Variants in SESTD1 observed in about 807,000 individuals in gnomAD.
The protein encoded by SESTD1 is SEC14 and spectrin domain containing 1.
A neutral mutation model predicts 101.7 loss-of-function variants in SESTD1; 43 were observed. The ratio of observed to expected loss-of-function variants is 0.42; its 90% CI spans 0.33 to 0.55. The LOEUF (loss-of-function observed/expected upper bound fraction) is 0.55. SESTD1 is among the 20% of genes least tolerant of loss of function. The pLI, the probability that SESTD1 is intolerant of heterozygous loss-of-function variation, is 0.07. For missense variants in SESTD1, 647 were observed against 815.1 expected (o/e 0.79, Z 2.51); for synonymous variants, 283 against 286.8 (o/e 0.99, Z 0.13).
chr2:179,155,631 C>T (rs760780782), intron 5 of SESTD1, among the ~76,000 whole-genome samples: 1 of 151,736 alleles, frequency 6.6e-6, no homozygotes, highest in African/African-American at 2.4e-5. Context: ...AAAAACAAAA[C>T]GTAAGGATGG....
intron 13 of SESTD1, among the ~76,000 whole-genome samples, chr2:179,120,929 G>C (rs755381557): frequency 2.0e-5 from 3 of 152,184 alleles, no homozygotes; most frequent in Non-Finnish European, 2.9e-5. Context: ...GCAGGAACCA[G>C]AGTAGAGAAT....
chr2:179,241,581 C>T (rs1160428457), intron 1 of SESTD1, among the ~76,000 whole-genome samples: 2 of 151,874 alleles, frequency 1.3e-5, no homozygotes, highest in African/African-American at 4.8e-5. Flanking sequence ...ATTGCTCGGG[C>T]CAGTTCAACA....
chr2:179,233,472 A>G (rs1035776201), intron 1 of SESTD1, among the ~76,000 whole-genome samples: 4 of 151,716 alleles, frequency 2.6e-5, no homozygotes, highest in Non-Finnish European at 4.4e-5. Context: ...TTGTTTTTTT[A>G]AGATGGAGTC....
chr2:179,195,769 A>G (rs2046381397), intron 1 of SESTD1, among the ~76,000 whole-genome samples: 1 of 152,188 alleles, frequency 6.6e-6, no homozygotes, highest in Non-Finnish European at 1.5e-5. Context: ...ATATGAAACA[A>G]GTTAAAAGGA....
intron 6 of SESTD1, among the ~76,000 whole-genome samples, chr2:179,150,763 T>A (rs1230179949): frequency 2.0e-5 from 3 of 151,870 alleles, no homozygotes; most frequent in Admixed American, 1.3e-4. Context: ...GAGGTTGCAG[T>A]GAGCTGAGAT....
At chr2:179,147,424 T>G (rs1480300926) in intron 7 of SESTD1, among the ~76,000 whole-genome samples, 1 of 151,130 alleles carries the variant, frequency 6.6e-6, no homozygotes, top group Non-Finnish European at 1.5e-5. Context: ...TGCAGTGGCG[T>G]GATCTCGACT....
At chr2:179,158,131 T>C (rs1244530726) in intron 5 of SESTD1, among the ~76,000 whole-genome samples, 1 of 152,174 alleles carries the variant, frequency 6.6e-6, no homozygotes, top group Non-Finnish European at 1.5e-5. Flanking sequence ...TCACTAAATT[T>C]GTAGAAGACA....
At chr2:179,243,860 C>G (rs2047189921) in intron 1 of SESTD1, among the ~76,000 whole-genome samples, 1 of 151,452 alleles carries the variant, frequency 6.6e-6, no homozygotes, top group Admixed American at 6.6e-5. Flanking sequence ...GCATCATGCA[C>G]TACACCCATG....
chr2:179,201,376 G>A (rs2046509050), intron 1 of SESTD1, among the ~76,000 whole-genome samples: 1 of 125,756 alleles, frequency 8.0e-6, no homozygotes, highest in Admixed American at 7.6e-5. Context: ...GATTCCTCAG[G>A]GATCTAGAAC....
chr2:179,245,232 A>G (rs2047211773), intron 1 of SESTD1, among the ~76,000 whole-genome samples: 1 of 152,026 alleles, frequency 6.6e-6, no homozygotes, highest in Admixed American at 6.6e-5. Context: ...AATTAGCCAG[A>G]TGAGCTGGGC....
intron 9 of SESTD1, among the ~76,000 whole-genome samples, chr2:179,139,777 C>G (rs934184989): frequency 6.6e-6 from 1 of 152,124 alleles, no homozygotes; most frequent in African/African-American, 2.4e-5. Context: ...TTGCCTCAAC[C>G]AATCAACAAC....
Position 179,151,311 on chromosome 2 carries a change from G to C in SESTD1, c.450C>G (p.Thr150=). Reference sequence around the variant, plus strand: ...TATTTAACCAGTCCATGTGATCATAGGTGAGACTCCCACCAAAATCTTCTG... The same window carrying C: ...TATTTAACCAGTCCATGTGATCATACGTGAGACTCCCACCAAAATCTTCTG... The part of the protein sequence containing the change: ...QLTEDFGGSL[T]YDHMDWLNKR... The change falls in exon 6 of 18, where the codon ACC becomes ACG. Residue 150 remains threonine (T), a synonymous_variant. Coordinates refer to ENST00000428443, the MANE Select transcript of SESTD1 (RefSeq NM_178123.5). 1 of 1,608,074 alleles carries C rather than the reference G, an allele frequency of 6.2e-7. No individual in the cohort carries two copies. The highest frequency in any genetic ancestry group is 8.5e-7 in the Non-Finnish European group (1 of 1,177,456).
chr2:179,109,795 T>G lies in SESTD1; in HGVS notation c.*104A>C. On this transcript the variant is annotated 3_prime_UTR_variant, in exon 18 of 18. Transcript: ENST00000428443. ...AATGTGTCATGAAAAGAAATGAGACTTATTTTGGCTGTGAAATGCATCTTA... is the reference window on the plus strand; with the variant it reads ...AATGTGTCATGAAAAGAAATGAGACGTATTTTGGCTGTGAAATGCATCTTA... 1 of 1,413,294 alleles carries G rather than the reference T, an allele frequency of 7.1e-7. No homozygotes were observed. The highest frequency in any genetic ancestry group is 9.6e-7 in the Non-Finnish European group (1 of 1,044,286). 87.5% of individuals were successfully genotyped at this position (1,413,294 alleles called of 1,614,324 possible). A position where few individuals can be genotyped will look rare whatever the true frequency, so the allele number is the denominator to read the frequency against.
At chr2:179,175,113 T>A (rs1487239211) in intron 4 of SESTD1, among the ~76,000 whole-genome samples, 1 of 152,196 alleles carries the variant, frequency 6.6e-6, no homozygotes, top group African/African-American at 2.4e-5. Flanking sequence ...TGGGGCTTAC[T>A]TAGACTATAC....
At chr2:179,195,137 G>A (rs960641329) in intron 1 of SESTD1, among the ~76,000 whole-genome samples, 64 of 152,320 alleles carry the variant, frequency 4.2e-4, no homozygotes, top group African/African-American at 1.5e-3. Flanking sequence ...CAGAAGGACA[G>A]GCCACCGGAT....
At chr2:179,191,526 T>C (rs897441032) in intron 2 of SESTD1, among the ~76,000 whole-genome samples, 12 of 152,026 alleles carry the variant, frequency 7.9e-5, no homozygotes, top group African/African-American at 2.7e-4. Context: ...CAAACCTTAG[T>C]ATCATGTAAT....
intron 5 of SESTD1, among the ~76,000 whole-genome samples, chr2:179,154,268 GGGAA>G (rs915143182): frequency 1.2e-4 from 18 of 149,062 alleles, no homozygotes; most frequent in South Asian, 8.7e-4. Flanking sequence ...AAAGAAGAAA[GGGAA>G]GGAAGGAAGG....
At chr2:179,229,802 CACACA>C (rs2046955251) in intron 1 of SESTD1, among the ~76,000 whole-genome samples, 1 of 140,848 alleles carries the variant, frequency 7.1e-6, no homozygotes, top group African/African-American at 2.6e-5. Context: ...CACACACACA[CACACA>C]CACACACACA....
intron 1 of SESTD1, among the ~76,000 whole-genome samples, chr2:179,246,067 C>T (rs1244191374): frequency 6.6e-6 from 1 of 152,080 alleles, no homozygotes; most frequent in African/African-American, 2.4e-5. Context: ...CCAGCCTGGT[C>T]AATGTGTCGA....
Sources: allele counts gnomAD v4.1 joint callset (sites outside exome capture counted in the v4.1 genomes callset), GRCh38; gene constraint gnomAD v4.1.1; transcripts MANE v1.5; gene names NCBI Gene and HGNC (gene_info 2026-07-23, HGNC 2026-07-21).